The following DNAAF9 variants were observed in gnomAD, a reference collection of about 807,000 sequenced individuals.
DNAAF9 encodes shulin.
DNAAF9 carries 90 observed loss-of-function variants against 167.0 expected under a neutral mutation model. The observed-to-expected ratio is 0.54, with a 90% CI of 0.45 to 0.64. The LOEUF is 0.64. Among genes scored for constraint, DNAAF9 ranks in the 30% least tolerant of loss-of-function variants. The pLI is 0.00. For synonymous variants in DNAAF9, 491 were observed against 508.8 expected, an observed-to-expected ratio of 0.96 and a Z score of 0.47; for missense variants, 1,315 against 1,442.2, an observed-to-expected ratio of 0.91 and a Z score of 1.43.
intron 7 of DNAAF9, among the ~76,000 whole-genome samples, chr20:3,356,826 A>T (rs374057424): frequency 6.6e-6 from 1 of 152,298 alleles, no homozygotes; most frequent in African/African-American, 2.4e-5. Context: ...TGTTATGACC[A>T]ATCACCTTCC....
intron 26 of DNAAF9, among the ~76,000 whole-genome samples, chr20:3,288,106 A>C (rs1468757773): frequency 5.9e-5 from 9 of 152,252 alleles, no homozygotes; most frequent in Admixed American, 5.9e-4. Flanking sequence ...TCACTTTCTG[A>C]AGGACCATGC....
Position 3,281,695 on chromosome 20 carries a change from G to A in DNAAF9, c.2558C>T (p.Thr853Ile). The A allele has an allele frequency of 6.2e-7, 1 of 1,612,906 alleles. No homozygotes were observed. The highest frequency in any genetic ancestry group is 1.3e-5 in the African/African-American group (1 of 74,996). Reference protein sequence around the residue: ...HPDSNVKASFTIGAITACVEP... With the variant: ...HPDSNVKASFIIGAITACVEP... ...CACACATGCTGTGATGGCACCAATG[G>A]TGAAGGAGGCCTTGACATTTGAGTC... Residue 853 changes from threonine to isoleucine, a missense_variant, in exon 28 of 37, where the codon ACC (threonine) becomes ATC (isoleucine). By Grantham distance (89) the Thr-to-Ile change is moderately conservative. Around this residue, in one of 2 missense-constraint regions of DNAAF9, gnomAD observed 334 missense variants for 429.7 expected, o/e 0.78. Transcript: ENST00000252032.
At chr20:3,314,507 A>G (rs1032800442) in intron 20 of DNAAF9, among the ~76,000 whole-genome samples, 1 of 152,168 alleles carries the variant, frequency 6.6e-6, no homozygotes, top group Non-Finnish European at 1.5e-5. Flanking sequence ...CCTCATTCCT[A>G]CAAGCGAAAG....
chr20:3,294,455 A>G (rs1268400212), intron 24 of DNAAF9, 73 bp downstream of exon 24: 3 of 1,035,588 alleles, frequency 2.9e-6, no homozygotes, highest in Non-Finnish European at 4.5e-6. Flanking sequence ...GGAGCTTAAA[A>G]GGACCAACAC....
At chr20:3,341,284 A>G (rs1421667962) in intron 9 of DNAAF9, among the ~76,000 whole-genome samples, 1 of 152,042 alleles carries the variant, frequency 6.6e-6, no homozygotes, top group African/African-American at 2.4e-5. Flanking sequence ...AGCAAATCCA[A>G]CAGATAGTCT....
intron 17 of DNAAF9, among the ~76,000 whole-genome samples, 181 bp downstream of exon 17, chr20:3,318,104 CTTTT>C (rs751838555): frequency 1.5e-5 from 2 of 132,846 alleles, no homozygotes; most frequent in African/African-American, 2.8e-5. Flanking sequence ...TAATGTTTCT[CTTTT>C]TTTTTTTTTT....
chr20:3,359,393 T>A, intron 7 of DNAAF9, 123 bp downstream of exon 7: 1 of 693,894 alleles, frequency 1.4e-6, no homozygotes, highest in Non-Finnish European at 2.5e-6. Context: ...AGGAAGAAAC[T>A]GCTCTATTTT....
chr20:3,322,157 C>T, intron 16 of DNAAF9, 60 bp downstream of exon 16: 1 of 1,317,316 alleles, frequency 7.6e-7, no homozygotes, highest in Non-Finnish European at 1.1e-6. Flanking sequence ...CACCTCCCAA[C>T]TTACAGATGT....
chr20:3,325,737 A>G (rs2069698938), intron 13 of DNAAF9, among the ~76,000 whole-genome samples: 1 of 152,244 alleles, frequency 6.6e-6, no homozygotes, highest in African/African-American at 2.4e-5. Context: ...TAATGGTCAG[A>G]GAACGGGAAC....
At chr20:3,386,984 C>T (rs1161946163) in intron 1 of DNAAF9, among the ~76,000 whole-genome samples, 2 of 152,080 alleles carry the variant, frequency 1.3e-5, no homozygotes, top group Non-Finnish European at 2.9e-5. Context: ...GAAACTGGAC[C>T]ACTCATATAT....
chr20:3,264,449 C>T lies in DNAAF9; in HGVS notation c.2862G>A (p.Met954Ile). 1 of 1,456,766 alleles carries T rather than the reference C, an allele frequency of 6.9e-7. No homozygotes were observed. Among genetic ancestry groups the T allele is most frequent in the Non-Finnish European group, 9.6e-7 (1 of 1,037,232 alleles). 90.2% of individuals were successfully genotyped at this position (1,456,766 alleles called of 1,614,324 possible). ...ATGATGATACTTGCCAGCCAGGATACATTAAATATCGAGATCGTAGCATCT... is the reference window on the plus strand; with the variant it reads ...ATGATGATACTTGCCAGCCAGGATATATTAAATATCGAGATCGTAGCATCT... ...SPEMLRSRYLMYPGWYEGKLN... is the reference protein window; with the variant it reads ...SPEMLRSRYLIYPGWYEGKLN... The change falls in exon 31 of 37, where the codon ATG becomes ATA. Residue 954 changes from methionine (M) to isoleucine (I), a missense_variant. Met to Ile is a conservative substitution (Grantham distance 10). This residue lies in a region of DNAAF9 where 334 missense variants were observed against 429.7 expected (regional missense o/e 0.78). Transcript: ENST00000252032.
chr20:3,400,400 T>G (rs2083966375), intron 1 of DNAAF9, among the ~76,000 whole-genome samples: 1 of 152,046 alleles, frequency 6.6e-6, no homozygotes, highest in Non-Finnish European at 1.5e-5. Context: ...TCTCTTAGTT[T>G]TGATAAATGC....
In DNAAF9 at chr20:3,268,331, G is replaced by A. The variant is rs375778957; in HGVS notation, c.2786+2096C>T. Among the ~76,000 whole-genome samples, 10 of 146,536 alleles carry A rather than the reference G, an allele frequency of 6.8e-5. No homozygotes were observed. The East Asian group carries it at 8.3e-4, about 12-fold the overall frequency. ...ATTACAGGCATGAATCACTGTGCCC[G>A]GCCCCTTTTTTTTTTTGAGATGGAG... On this transcript the variant is annotated intron_variant, in intron 30 of 36. Coordinates refer to ENST00000252032, the MANE Select transcript of DNAAF9 (RefSeq NM_001009984.3).
chr20:3,353,591 G>A (rs977589053), intron 7 of DNAAF9, among the ~76,000 whole-genome samples: 3 of 150,168 alleles, frequency 2.0e-5, no homozygotes, highest in Non-Finnish European at 3.0e-5. Context: ...TAGCACCACT[G>A]CACTCCAGCC....
chr20:3,388,277 A>C (rs970458183), intron 1 of DNAAF9, among the ~76,000 whole-genome samples: 2 of 152,226 alleles, frequency 1.3e-5, no homozygotes, highest in African/African-American at 4.8e-5. Context: ...TGGAGAAATT[A>C]GAACCCTTGT....
chr20:3,289,428 G>C (rs1048905793), intron 26 of DNAAF9, among the ~76,000 whole-genome samples: 2 of 152,074 alleles, frequency 1.3e-5, no homozygotes, highest in Non-Finnish European at 2.9e-5. Flanking sequence ...TTGGGTGACA[G>C]AGAGAGACCC....
chr20:3,262,658 T>C (rs188834696), intron 31 of DNAAF9, among the ~76,000 whole-genome samples: 6 of 152,296 alleles, frequency 3.9e-5, no homozygotes, highest in African/African-American at 1.4e-4. Context: ...CAGTAAGGAC[T>C]GGAGAACAGC....
intron 29 of DNAAF9, among the ~76,000 whole-genome samples, chr20:3,278,177 C>A (rs1227149239): frequency 6.6e-6 from 1 of 152,098 alleles, no homozygotes; most frequent in Non-Finnish European, 1.5e-5. Flanking sequence ...ATGCAACCTG[C>A]AGGATGGGTG....
At chr20:3,405,569 C>T (rs1347641739) in intron 1 of DNAAF9, among the ~76,000 whole-genome samples, 1 of 152,164 alleles carries the variant, frequency 6.6e-6, no homozygotes, top group African/African-American at 2.4e-5. Flanking sequence ...TATTCCTTGT[C>T]TGAAATCAAA....
Sources: allele counts gnomAD v4.1 joint callset (sites outside exome capture counted in the v4.1 genomes callset), GRCh38; gene constraint gnomAD v4.1.1; regional missense constraint gnomAD v4.1.1; transcripts MANE v1.5; gene names NCBI Gene and HGNC (gene_info 2026-07-23, HGNC 2026-07-21).